APP: variants seen among roughly 807,000 people sequenced by gnomAD.
APP encodes the protein amyloid-beta precursor protein.
In APP, 31 loss-of-function variants were observed where a neutral mutation model predicts 101.4. That is an observed-to-expected ratio of 0.31 (90% CI 0.23 to 0.41). The LOEUF (loss-of-function observed/expected upper bound fraction) is 0.41. Ranked by LOEUF, APP falls within the 10% of genes least tolerant of loss-of-function variation. The pLI is 1.00. For missense variants in APP, 839 were observed against 1,003.7 expected, an observed-to-expected ratio of 0.84 and a Z score of 2.22; for synonymous variants, 366 against 364.4, an observed-to-expected ratio of 1.00 and a Z score of -0.05.
At chr21:25,938,722 G>A (rs749241430) in intron 13 of APP, among the ~76,000 whole-genome samples, 2 of 152,124 alleles carry the variant, frequency 1.3e-5, no homozygotes, top group African/African-American at 2.4e-5. Flanking sequence ...TTCCATCCAA[G>A]GACTTAAAGC....
At chr21:26,096,724 T>A (rs565468962) in intron 2 of APP, among the ~76,000 whole-genome samples, 1 of 152,120 alleles carries the variant, frequency 6.6e-6, no homozygotes, top group East Asian at 1.9e-4. Flanking sequence ...TGCAGTGAAC[T>A]GGGATCACGT....
At chr21:26,046,248 A>G (rs369086224) in intron 5 of APP, among the ~76,000 whole-genome samples, 4 of 152,116 alleles carry the variant, frequency 2.6e-5, no homozygotes, top group African/African-American at 9.6e-5. Flanking sequence ...TGTCTCTACT[A>G]AAAATACAAA....
chr21:26,157,262 G>A (rs752947643), intron 1 of APP, among the ~76,000 whole-genome samples: 1 of 152,092 alleles, frequency 6.6e-6, no homozygotes, highest in Non-Finnish European at 1.5e-5. Context: ...TAGAGACGGG[G>A]TTTCACCATG....
At chr21:25,935,854 A>AC (rs1332175026) in intron 13 of APP, among the ~76,000 whole-genome samples, 1 of 150,988 alleles carries the variant, frequency 6.6e-6, no homozygotes, top group Non-Finnish European at 1.5e-5. Flanking sequence ...AAAAAAAAAA[A>AC]AAAAAAACCT....
chr21:25,968,362 T>C (rs2146540512), intron 11 of APP, among the ~76,000 whole-genome samples: 1 of 148,792 alleles, frequency 6.7e-6, no homozygotes, highest in South Asian at 2.2e-4. Flanking sequence ...GGCCTTTCTA[T>C]GTTGCCTAGG....
At chr21:25,954,147 T>C (rs1230171565) in intron 13 of APP, among the ~76,000 whole-genome samples, 2 of 152,190 alleles carry the variant, frequency 1.3e-5, no homozygotes, top group African/African-American at 4.8e-5. Flanking sequence ...TTATAATGCA[T>C]GTGACACAGG....
intron 13 of APP, among the ~76,000 whole-genome samples, chr21:25,918,320 C>A (rs1205481541): frequency 6.6e-6 from 1 of 152,190 alleles, no homozygotes; most frequent in South Asian, 2.1e-4. Flanking sequence ...AAATGTGGCA[C>A]ATATACACCA....
At chr21:25,903,935 C>T (rs1004702664) in intron 15 of APP, among the ~76,000 whole-genome samples, 6 of 152,158 alleles carry the variant, frequency 3.9e-5, no homozygotes, top group Non-Finnish European at 7.3e-5. Flanking sequence ...CATCAGTGAC[C>T]GTGCTTGGAG....
At chr21:25,962,179 T>C (rs1198836853) in intron 11 of APP, among the ~76,000 whole-genome samples, 1 of 152,176 alleles carries the variant, frequency 6.6e-6, no homozygotes, top group African/African-American at 2.4e-5. Context: ...TGATGTGACA[T>C]TTTTTAATTT....
At chr21:26,005,970 A>G (rs1414569439) in intron 6 of APP, among the ~76,000 whole-genome samples, 1 of 152,196 alleles carries the variant, frequency 6.6e-6, no homozygotes, top group Non-Finnish European at 1.5e-5. Flanking sequence ...AAAGTTGAAA[A>G]GAAAACAAAT....
At chr21:26,010,762 A>C (rs1388466413) in intron 6 of APP, among the ~76,000 whole-genome samples, 1 of 130,238 alleles carries the variant, frequency 7.7e-6, no homozygotes, top group Non-Finnish European at 1.6e-5. Context: ...CAGAGGTTGC[A>C]GTGAGCCAAG....
chr21:26,072,452 T>C (rs2061425700), intron 3 of APP, among the ~76,000 whole-genome samples: 1 of 152,216 alleles, frequency 6.6e-6, no homozygotes, highest in Non-Finnish European at 1.5e-5. Context: ...TTAAAAAAGA[T>C]ATTTTGCAAA....
At chr21:26,092,787 T>C (rs866776707) in intron 2 of APP, among the ~76,000 whole-genome samples, 9 of 152,166 alleles carry the variant, frequency 5.9e-5, no homozygotes, top group African/African-American at 1.9e-4. Context: ...AGGTAGCAAG[T>C]ATATGGGAAA....
chr21:26,108,541 A>C (rs1055095359), intron 2 of APP, among the ~76,000 whole-genome samples: 1 of 152,226 alleles, frequency 6.6e-6, no homozygotes, highest in Non-Finnish European at 1.5e-5. Context: ...GTGATAAAGC[A>C]AGAAGGTGAT....
At chr21:25,963,276 C>T (rs2041659389) in intron 11 of APP, among the ~76,000 whole-genome samples, 1 of 152,180 alleles carries the variant, frequency 6.6e-6, no homozygotes, top group Non-Finnish European at 1.5e-5. Flanking sequence ...GAATATGTAG[C>T]TTATTACTTG....
intron 15 of APP, among the ~76,000 whole-genome samples, chr21:25,900,882 G>C (rs2146279460): frequency 6.6e-6 from 1 of 151,218 alleles, no homozygotes; most frequent in Admixed American, 6.6e-5. Context: ...CCAGCTACTA[G>C]AGGCTTAGGC....
At chr21:26,141,621 T>C (rs1052013439) in intron 1 of APP, among the ~76,000 whole-genome samples, 1 of 152,182 alleles carries the variant, frequency 6.6e-6, no homozygotes, top group African/African-American at 2.4e-5. Flanking sequence ...TAGAAGACAC[T>C]ATGAGCCAAT....
chr21:26,078,862 G>A (rs1018202834), intron 3 of APP, among the ~76,000 whole-genome samples: 3 of 152,106 alleles, frequency 2.0e-5, no homozygotes, highest in South Asian at 2.1e-4. Context: ...TGACCAACAC[G>A]GAGAAACCCC....
At chr21:25,953,742 G>A (rs951118165) in intron 13 of APP, among the ~76,000 whole-genome samples, 7 of 152,192 alleles carry the variant, frequency 4.6e-5, no homozygotes, top group African/African-American at 1.7e-4. Context: ...AGAGACTCAT[G>A]TGGTATTTTA....
Sources: allele counts gnomAD v4.1 joint callset (sites outside exome capture counted in the v4.1 genomes callset), GRCh38; gene constraint gnomAD v4.1.1; transcripts MANE v1.5; gene names NCBI Gene and HGNC (gene_info 2026-07-23, HGNC 2026-07-21).